PINK1: variants seen among roughly 807,000 people sequenced by gnomAD.
PINK1 encodes PTEN induced kinase 1.
Under a neutral mutation model 56.0 loss-of-function variants are expected in PINK1, and 58 were observed. That is an observed-to-expected ratio of 1.04 (90% CI 0.84 to 1.29). The LOEUF (loss-of-function observed/expected upper bound fraction) is 1.29. Ranked by LOEUF, PINK1 falls within the 50% of genes most tolerant of loss-of-function variation. PINK1 has a pLI of 0.00. For synonymous variants in PINK1, 354 were observed against 339.3 expected (o/e 1.04, Z -0.48); for missense variants, 745 against 777.9 (o/e 0.96, Z 0.50).
rs773053961 is a variant in PINK1, at chr1:20,651,013, C to T, written c.*322C>T. The T allele has an allele frequency of 5.8e-5, 24 of 417,290 alleles. No homozygotes were observed. The highest frequency in any genetic ancestry group is 9.5e-5 in the Non-Finnish European group (21 of 221,936). The allele number at this position is 417,290 out of a possible 1,614,324, so 25.8% of individuals were successfully genotyped here. A position where few individuals can be genotyped will look rare whatever the true frequency, so the allele number is the denominator to read the frequency against. ...TGGCAGAGTTTGGCTGTGACCTTTGCCCCTAACACGAGGAACTCGTTTGAA... is the reference window on the plus strand; with the variant it reads ...TGGCAGAGTTTGGCTGTGACCTTTGTCCCTAACACGAGGAACTCGTTTGAA... On this transcript the variant is annotated 3_prime_UTR_variant, in exon 8 of 8. Transcript: ENST00000321556.
chr1:20,643,302 A>G (rs2053136711), intron 3 of PINK1, among the ~76,000 whole-genome samples: 1 of 152,246 alleles, frequency 6.6e-6, no homozygotes, highest in Admixed American at 6.5e-5. Flanking sequence ...CACCCCATCC[A>G]AAATCCAGCC....
Position 20,648,608 on chromosome 1 carries a change from AAACGGCT to A in PINK1, c.1228_1234del (p.Asn410ValfsTer2). 1 of 1,614,084 alleles carries A rather than the reference AAACGGCT, an allele frequency of 6.2e-7. No homozygotes were observed. The highest frequency in any genetic ancestry group is 2.2e-5 in the East Asian group (1 of 44,882). Reference sequence around the variant, plus strand: ...GCAGCTGGTACGTGGATCGGGGCGGAAACGGCTGTCTGATGGCCCCAGAGGTGAGTCC... The same window carrying A: ...GCAGCTGGTACGTGGATCGGGGCGGAGTCTGATGGCCCCAGAGGTGAGTCC... On this transcript the variant is annotated frameshift_variant, in exon 6 of 8. Transcript: ENST00000321556. LOFTEE classifies it high-confidence loss of function.
At chr1:20,638,457 C>G in intron 2 of PINK1, 1 of 335,488 alleles carries the variant, frequency 3.0e-6, no homozygotes, top group Non-Finnish European at 5.7e-6. Flanking sequence ...ATGATGAAAC[C>G]CCATCTCTAT....
chr1:20,650,952 C>A lies in PINK1; in HGVS notation c.*261C>A. The A allele has an allele frequency of 1.9e-6, 1 of 537,916 alleles. No homozygotes were observed. The highest frequency in any genetic ancestry group is 3.4e-5 in the East Asian group (1 of 29,680). 33.3% of individuals were successfully genotyped at this position (537,916 alleles called of 1,614,324 possible). On this transcript the variant is annotated 3_prime_UTR_variant, in exon 8 of 8. Coordinates refer to ENST00000321556, the MANE Select transcript of PINK1 (RefSeq NM_032409.3). ...GACTGAGGAGGGGTAGGCCTGCATCCACAGAGAGGATCCAGGCCAAGGCAC... is the reference window on the plus strand; with the variant it reads ...GACTGAGGAGGGGTAGGCCTGCATCAACAGAGAGGATCCAGGCCAAGGCAC...
At chr1:20,648,910 T>A in intron 6 of PINK1, 85 bp from the exon 7 acceptor site, 3 of 1,463,358 alleles carry the variant, frequency 2.1e-6, no homozygotes, top group Non-Finnish European at 2.9e-6. Context: ...AGAGTTCAGA[T>A]TAGCCCATGG....
intron 3 of PINK1, among the ~76,000 whole-genome samples, chr1:20,643,804 T>C (rs994392110): frequency 2.6e-5 from 4 of 152,132 alleles, no homozygotes; most frequent in African/African-American, 9.7e-5. Flanking sequence ...ACCCTGGAGA[T>C]TGAGCCCAGA....
chr1:20,633,992 T>A, intron 1 of PINK1, 57 bp downstream of exon 1: 4 of 1,079,122 alleles, frequency 3.7e-6, no homozygotes, highest in Non-Finnish European at 5.1e-6. Context: ...CGGGGGCGGG[T>A]CCTCAGCTGG....
chr1:20,650,270 G>A, intron 7 of PINK1, 164 bp from the exon 8 acceptor site: 1 of 901,232 alleles, frequency 1.1e-6, no homozygotes, highest in Non-Finnish European at 1.7e-6. Context: ...CACGGGCAGG[G>A]GACAGGCAGT....
In PINK1 at chr1:20,650,692, T is replaced by TG; in HGVS notation, c.*2dup. ...CTGCTCATGGAGGGCAGCCCTGTGA[T>TG]GTCCCTGCATGGAGCTGGTGAATTA... On this transcript the variant is annotated 3_prime_UTR_variant, in exon 8 of 8. Coordinates refer to ENST00000321556, the MANE Select transcript of PINK1 (RefSeq NM_032409.3). 6.2e-7 allele frequency: 1 copy of TG among 1,613,310 alleles called. No individual in the cohort carries two copies. Among genetic ancestry groups the TG allele is most frequent in the South Asian group, 1.1e-5 (1 of 91,018 alleles).
At chr1:20,646,374 A>G (rs886236295) in intron 5 of PINK1, among the ~76,000 whole-genome samples, 12 of 152,138 alleles carry the variant, frequency 7.9e-5, no homozygotes, top group African/African-American at 2.9e-4. Flanking sequence ...GGCCGGGGGT[A>G]GTGGCTCACG....
rs748103970 is a variant in PINK1 at position 20,650,546 on chromosome 1, A to C, written c.1601A>C (p.Gln534Pro). 3.1e-6 allele frequency: 5 copies of C among 1,614,122 alleles called. No individual in the cohort carries two copies. The highest frequency in any genetic ancestry group is 1.1e-5 in the South Asian group (1 of 91,090). ...LDKMVGWLLQ[Q>P]SAATLLANRL... ...AAGATGGTTGGCTGGCTCCTCCAAC[A>C]ATCGGCCGCCACTTTGTTGGCCAAC... Residue 534 changes from glutamine to proline, a missense_variant, in exon 8 of 8, where the codon CAA becomes CCA. Transcript: ENST00000321556.
At chr1:20,644,255 C>CGGAT (rs1488722891) in intron 3 of PINK1, among the ~76,000 whole-genome samples, 1 of 152,122 alleles carries the variant, frequency 6.6e-6, no homozygotes, top group Non-Finnish European at 1.5e-5. Flanking sequence ...GATGGGTGTA[C>CGGAT]GGATGGACGG....
At chr1:20,640,416 T>C (rs186955344) in intron 3 of PINK1, among the ~76,000 whole-genome samples, 3 of 151,604 alleles carry the variant, frequency 2.0e-5, no homozygotes, top group Non-Finnish European at 4.4e-5. Flanking sequence ...CAAAAAGTGG[T>C]CTGTTGGCCC....
rs2053232597 is a variant in PINK1 at position 20,649,191 on chromosome 1, G to A, written c.1448G>A (p.Arg483Lys). The A allele has an allele frequency of 1.9e-6, 3 of 1,614,084 alleles. No homozygotes were observed. Among genetic ancestry groups the A allele is most frequent in the Middle Eastern group, 1.6e-4 (1 of 6,080 alleles). The change falls in exon 7 of 8, where the codon AGA (arginine) becomes AAA (lysine). Residue 483 changes from arginine (R) to lysine (K), a missense_variant. Arg to Lys is a conservative substitution (Grantham distance 26). Coordinates refer to ENST00000321556, the MANE Select transcript of PINK1 (RefSeq NM_032409.3). ...ALPESVPPDV[R>K]QLVRALLQRE... ...CCCGAGTCAGTGCCTCCAGACGTGA[G>A]ACAGTTGGTGAGGGCACTGCTCCAG...
chr1:20,650,586 GTGT>G lies in PINK1; in HGVS notation c.1645_1647del (p.Cys549del). ...TGTTGGCCAACAGGCTCACAGAGAA[GTGT>G]TGTGTGGAAACAAAAATGAAGATGC... On this transcript the variant is annotated inframe_deletion, in exon 8 of 8. Transcript: ENST00000321556. 2 of 1,614,230 alleles carry G rather than the reference GTGT, an allele frequency of 1.2e-6. No homozygotes were observed. The highest frequency in any genetic ancestry group is 1.3e-5 in the African/African-American group (1 of 75,058).
At chr1:20,648,851 C>A in intron 6 of PINK1, 144 bp from the exon 7 acceptor site, 1 of 1,233,706 alleles carries the variant, frequency 8.1e-7, no homozygotes, top group East Asian at 2.4e-5. Flanking sequence ...TAAGCAGACC[C>A]CTTCTGGGTC....
chr1:20,640,106 C>G, intron 3 of PINK1, 114 bp downstream of exon 3: 1 of 908,240 alleles, frequency 1.1e-6, no homozygotes, highest in Non-Finnish European at 1.7e-6. Flanking sequence ...ATAATAAAGG[C>G]TTAATGTTGG....
intron 3 of PINK1, 77 bp from the exon 4 acceptor site, chr1:20,644,413 G>T: frequency 2.1e-6 from 3 of 1,427,930 alleles, no homozygotes; most frequent in Non-Finnish European, 3.0e-6. Flanking sequence ...TGCCAGTGTT[G>T]GTGTGGCCTT....
Position 20,647,757 on chromosome 1 carries a change from C to T in PINK1, c.1124-748C>T, listed in dbSNP as rs185644577. ...GTTCTGGGATTACAGGCGTGAGCCACTGCGCCCAGCCAGGAACTGGCTTTT... is the reference window on the plus strand; with the variant it reads ...GTTCTGGGATTACAGGCGTGAGCCATTGCGCCCAGCCAGGAACTGGCTTTT... On this transcript the variant is annotated intron_variant, in intron 5 of 7. Coordinates refer to ENST00000321556, the MANE Select transcript of PINK1 (RefSeq NM_032409.3). Among the ~76,000 whole-genome samples the T allele has an allele frequency of 8.5e-5, 13 of 152,286 alleles. No homozygotes were observed. The East Asian group carries it at 2.5e-3, about 29-fold the overall frequency.
Sources: allele counts gnomAD v4.1 joint callset (sites outside exome capture counted in the v4.1 genomes callset), GRCh38; gene constraint gnomAD v4.1.1; transcripts MANE v1.5; gene names NCBI Gene and HGNC (gene_info 2026-07-23, HGNC 2026-07-21).